Variants in NRXN3 observed in about 807,000 individuals in gnomAD.
NRXN3 encodes the protein neurexin III.
NRXN3 carries 32 observed loss-of-function variants against 137.6 expected under a neutral mutation model. The ratio of observed to expected loss-of-function variants is 0.23; its 90% CI spans 0.18 to 0.31. The LOEUF (loss-of-function observed/expected upper bound fraction) is 0.31, where lower values mean the gene tolerates loss of function less well. NRXN3 is among the 10% of genes least tolerant of loss of function. The pLI, the probability that NRXN3 is intolerant of heterozygous loss-of-function variation, is 1.00. For synonymous variants in NRXN3, 798 were observed against 784.5 expected, an observed-to-expected ratio of 1.02 and a Z score of -0.29; for missense variants, 1,574 against 2,062.5, an observed-to-expected ratio of 0.76 and a Z score of 4.59.
intron 4 of NRXN3, among the ~76,000 whole-genome samples, chr14:78,630,093 T>C (rs1345312749): frequency 6.6e-6 from 1 of 152,192 alleles, no homozygotes; most frequent in Non-Finnish European, 1.5e-5. Context: ...GAACCAGCTA[T>C]TTTAGCACTA....
chr14:79,827,408 G>T (rs1043440637), intron 20 of NRXN3, among the ~76,000 whole-genome samples: 2 of 152,188 alleles, frequency 1.3e-5, no homozygotes, highest in African/African-American at 4.8e-5. Context: ...ATTTCTGGGA[G>T]AGAGTTATCT....
intron 15 of NRXN3, among the ~76,000 whole-genome samples, chr14:79,282,835 T>C (rs144473077): frequency 1.3e-3 from 196 of 152,298 alleles, no homozygotes; most frequent in African/African-American, 4.4e-3. Context: ...TCCCAACTCA[T>C]TGATTTGGGG....
At chr14:79,549,420 C>T (rs2153746437) in intron 16 of NRXN3, among the ~76,000 whole-genome samples, 1 of 152,242 alleles carries the variant, frequency 6.6e-6, no homozygotes, top group South Asian at 2.1e-4. Flanking sequence ...TTGGTATGGA[C>T]ATAATGAGAT....
At chr14:79,708,498 G>GC (rs1555649461) in intron 19 of NRXN3, among the ~76,000 whole-genome samples, 43 of 146,234 alleles carry the variant, frequency 2.9e-4, no homozygotes, top group African/African-American at 1.0e-3. Flanking sequence ...GGTAAGAATT[G>GC]TTTTTTTTTT....
chr14:78,170,952 C>CTTTTTTTTTTTTTTTTTTTTT (rs545853025), intron 1 of NRXN3, among the ~76,000 whole-genome samples: 1 of 126,214 alleles, frequency 7.9e-6, no homozygotes, highest in Non-Finnish European at 1.6e-5. Context: ...TCTTCTTCTT[C>CTTTTTTTTTTTTTTTTTTTTT]TTTTTTTTTT....
At chr14:78,318,219 T>G (rs1489609082) in intron 4 of NRXN3, among the ~76,000 whole-genome samples, 8 of 152,146 alleles carry the variant, frequency 5.3e-5, no homozygotes, top group Non-Finnish European at 8.8e-5. Context: ...GGAAGGCCAT[T>G]GGTATCCTAG....
At chr14:79,561,438 CA>C (rs1210653871) in intron 16 of NRXN3, among the ~76,000 whole-genome samples, 3 of 152,246 alleles carry the variant, frequency 2.0e-5, no homozygotes, top group South Asian at 2.1e-4. Context: ...GGCAATTGCA[CA>C]AATCTGCCAC....
At chr14:79,350,432 A>G (rs1398086945) in intron 15 of NRXN3, among the ~76,000 whole-genome samples, 4 of 152,184 alleles carry the variant, frequency 2.6e-5, no homozygotes, top group South Asian at 2.1e-4. Flanking sequence ...TCAAATGACA[A>G]TGTGAATGCA....
chr14:79,387,192 C>T (rs2094655841), intron 15 of NRXN3, among the ~76,000 whole-genome samples: 1 of 151,846 alleles, frequency 6.6e-6, no homozygotes, highest in Admixed American at 6.6e-5. Flanking sequence ...AAAATTTTTG[C>T]AATCTACTCA....
At chr14:78,562,800 T>C (rs1327299569) in intron 4 of NRXN3, among the ~76,000 whole-genome samples, 1 of 152,232 alleles carries the variant, frequency 6.6e-6, no homozygotes, top group Non-Finnish European at 1.5e-5. Flanking sequence ...TATAAAGTGA[T>C]AGATAACCAT....
chr14:78,244,997 A>C (rs560526759), intron 2 of NRXN3, among the ~76,000 whole-genome samples: 1 of 152,252 alleles, frequency 6.6e-6, no homozygotes, highest in African/African-American at 2.4e-5. Context: ...TTAAAATCCA[A>C]ATTCCTGGAC....
intron 16 of NRXN3, among the ~76,000 whole-genome samples, chr14:79,493,477 A>G (rs1001111339): frequency 6.6e-6 from 1 of 152,234 alleles, no homozygotes; most frequent in Non-Finnish European, 1.5e-5. Context: ...CAAGCATCCA[A>G]AAATATTTGA....
intron 15 of NRXN3, among the ~76,000 whole-genome samples, chr14:79,311,116 C>T (rs1488414663): frequency 2.3e-5 from 1 of 44,068 alleles, no homozygotes; most frequent in African/African-American, 1.3e-4. Flanking sequence ...CCATCAATAC[C>T]TAATTTATTG....
intron 15 of NRXN3, among the ~76,000 whole-genome samples, chr14:79,258,307 C>T (rs1207301500): frequency 1.3e-5 from 2 of 152,146 alleles, no homozygotes; most frequent in Non-Finnish European, 2.9e-5. Context: ...AAGTGATTCT[C>T]GATTCTGGTG....
intron 10 of NRXN3, among the ~76,000 whole-genome samples, chr14:78,822,710 C>CA (rs57192355): frequency 0.034 from 4,135 of 122,530 alleles, 61 homozygotes; most frequent in East Asian, 0.049. Flanking sequence ...CAAAAACAAA[C>CA]AAAAAAAAAA....
At chr14:78,406,242 T>A (rs750731370) in intron 4 of NRXN3, among the ~76,000 whole-genome samples, 9 of 152,182 alleles carry the variant, frequency 5.9e-5, no homozygotes, top group Non-Finnish European at 1.0e-4. Context: ...TTGGCTCATG[T>A]GATTGAGAAG....
At chr14:79,265,088 A>G (rs1598050731) in intron 15 of NRXN3, among the ~76,000 whole-genome samples, 1 of 152,236 alleles carries the variant, frequency 6.6e-6, no homozygotes, top group South Asian at 2.1e-4. Flanking sequence ...GTTAAGATGG[A>G]AAAAATTTTA....
At chr14:78,987,991 C>G in intron 14 of NRXN3, 31 bp from the exon 15 acceptor site, 1 of 1,587,586 alleles carries the variant, frequency 6.3e-7, no homozygotes, top group South Asian at 1.2e-5. Flanking sequence ...TCTCCTTTTT[C>G]TTTTTTTCCC....
At chr14:78,712,524 G>A (rs1181337442) in intron 7 of NRXN3, among the ~76,000 whole-genome samples, 8 of 152,210 alleles carry the variant, frequency 5.3e-5, no homozygotes, top group Non-Finnish European at 7.4e-5. Flanking sequence ...CTCTTGTGTT[G>A]ACTTTGCACT....
Sources: gnomAD v4.1 joint callset for allele counts (sites outside exome capture counted in the v4.1 genomes callset) on GRCh38, gnomAD v4.1.1 for gene constraint, MANE v1.5 for transcripts, NCBI Gene and HGNC (gene_info 2026-07-23, HGNC 2026-07-21) for gene names.